The following TMOD3 variants were observed in gnomAD, a reference collection of about 807,000 sequenced individuals.
TMOD3 encodes the protein tropomodulin 3.
TMOD3 carries 20 observed loss-of-function variants against 39.2 expected under a neutral mutation model. That is an observed-to-expected ratio of 0.51 (90% CI 0.36 to 0.74). The LOEUF is 0.74. TMOD3 is among the 30% of genes least tolerant of loss of function. The pLI is 0.00. For missense variants in TMOD3, 381 were observed against 412.8 expected, an observed-to-expected ratio of 0.92 and a Z score of 0.67; for synonymous variants, 143 against 145.8, an observed-to-expected ratio of 0.98 and a Z score of 0.14.
chr15:51,897,967 A>G lies in TMOD3; in HGVS notation c.735+1441A>G, dbSNP rs140103630. ...ACCTGGATTATTGCAACAGCCTCCT[A>G]ATTGGGTTACCTTCATCTATTTTAC... On this transcript the variant is annotated intron_variant, in intron 7 of 9. Transcript: ENST00000308580. Among the ~76,000 whole-genome samples the G allele has an allele frequency of 2.1e-3, 323 of 152,090 alleles. 1 individual carries two copies. Among genetic ancestry groups the G allele is most frequent in the East Asian group, 0.021 (109 of 5,174 alleles).
intron 2 of TMOD3, among the ~76,000 whole-genome samples, chr15:51,868,995 G>A (rs1054375657): frequency 2.6e-5 from 4 of 152,096 alleles, no homozygotes; most frequent in Admixed American, 1.3e-4. Flanking sequence ...CTGTACTAAT[G>A]TATGTGCCTA....
At chr15:51,890,528 C>T (rs1352779288) in intron 5 of TMOD3, among the ~76,000 whole-genome samples, 1 of 151,876 alleles carries the variant, frequency 6.6e-6, no homozygotes, top group African/African-American at 2.4e-5. Flanking sequence ...AGCTCTTGGA[C>T]GTGAAGTACT....
chr15:51,830,925 C>T (rs1233999352), intron 1 of TMOD3, among the ~76,000 whole-genome samples: 1 of 152,136 alleles, frequency 6.6e-6, no homozygotes, highest in Non-Finnish European at 1.5e-5. Context: ...CACATTCCTA[C>T]GAAAGGAACA....
intron 6 of TMOD3, among the ~76,000 whole-genome samples, chr15:51,894,554 C>T (rs2056611525): frequency 1.3e-5 from 2 of 152,184 alleles, no homozygotes; most frequent in African/African-American, 4.8e-5. Flanking sequence ...CAAAAGTTCT[C>T]TCATACCCCT....
Position 51,911,170 on chromosome 15 carries a change from T to G in TMOD3, c.*2360T>G, listed in dbSNP as rs545686611. ...ATTGTCCTGTAAGTCAATTAGTTGATAAATAGTTCCCCCTTCATCCCTTAA... is the reference window on the plus strand; with the variant it reads ...ATTGTCCTGTAAGTCAATTAGTTGAGAAATAGTTCCCCCTTCATCCCTTAA... On this transcript the variant is annotated 3_prime_UTR_variant, in exon 10 of 10. Transcript: ENST00000308580. 2 of 152,372 alleles carry G rather than the reference T, an allele frequency of 1.3e-5. No homozygotes were observed. The highest frequency in any genetic ancestry group is 4.8e-5 in the African/African-American group (2 of 41,590). The allele number at this position is 152,372 out of a possible 1,614,324, so 9.4% of individuals were successfully genotyped here.
intron 1 of TMOD3, chr15:51,861,261 T>G (rs1381585729): frequency 1.3e-5 from 5 of 396,932 alleles, no homozygotes; most frequent in Middle Eastern, 3.9e-4. Flanking sequence ...AGGGAGCTGA[T>G]CTTCTTTGTG....
At chr15:51,890,769 T>G (rs2056589041) in intron 5 of TMOD3, among the ~76,000 whole-genome samples, 1 of 152,232 alleles carries the variant, frequency 6.6e-6, no homozygotes, top group Non-Finnish European at 1.5e-5. Flanking sequence ...CTTTCTACGA[T>G]GTTTTGTAAT....
chr15:51,830,225 A>G (rs1451220360), intron 1 of TMOD3, among the ~76,000 whole-genome samples: 1 of 152,036 alleles, frequency 6.6e-6, no homozygotes, highest in South Asian at 2.1e-4. Flanking sequence ...GCCTCCTTCA[A>G]AGGCTTCGGC....
intron 7 of TMOD3, among the ~76,000 whole-genome samples, chr15:51,898,639 G>T (rs949190182): frequency 9.2e-5 from 14 of 152,136 alleles, no homozygotes; most frequent in African/African-American, 3.4e-4. Context: ...TAATAGAAAG[G>T]ACAAGTATGT....
At chr15:51,875,324 T>G (rs1443030007) in intron 3 of TMOD3, 1 of 152,254 alleles carries the variant, frequency 6.6e-6, no homozygotes, top group African/African-American at 2.4e-5. Flanking sequence ...TAAATGTCCC[T>G]TGTAGACCTC....
chr15:51,839,013 A>G (rs1233901567), intron 1 of TMOD3, among the ~76,000 whole-genome samples: 2 of 152,194 alleles, frequency 1.3e-5, no homozygotes, highest in African/African-American at 4.8e-5. Context: ...AGGGACTGGA[A>G]TAAGGGGTGG....
At position 51,909,089 on chromosome 15, in the gene TMOD3, C is replaced by G. The variant is rs893293137; in HGVS notation, c.*279C>G. On this transcript the variant is annotated 3_prime_UTR_variant, in exon 10 of 10. Transcript: ENST00000308580. Reference sequence around the variant, plus strand: ...AAAAATACAACTGTAAAAAATTTCACAGGTCATTTGTGTAGAATAATTTGA... The same window carrying G: ...AAAAATACAACTGTAAAAAATTTCAGAGGTCATTTGTGTAGAATAATTTGA... The G allele has an allele frequency of 2.0e-5, 6 of 295,812 alleles. No individual in the cohort carries two copies. Among genetic ancestry groups the G allele is most frequent in the Non-Finnish European group, 3.1e-5 (5 of 161,612 alleles). The allele number at this position is 295,812 out of a possible 1,614,324, so 18.3% of individuals were successfully genotyped here.
chr15:51,863,014 G>A lies in TMOD3; in HGVS notation c.126+4G>A, dbSNP rs937547263. On this transcript the variant is annotated splice_donor_region_variant and intron_variant, in intron 2 of 9. Transcript: ENST00000308580. ...TTTGGATGATCTTGACCCCGAGGTA[G>A]GTGCTAGGTGATGAAGAGAAATGAA... 6.2e-7 allele frequency: 1 copy of A among 1,605,874 alleles called. No homozygotes were observed. Among genetic ancestry groups the A allele is most frequent in the African/African-American group, 1.3e-5 (1 of 74,274 alleles).
intron 1 of TMOD3, among the ~76,000 whole-genome samples, chr15:51,851,804 C>T (rs755460978): frequency 6.6e-6 from 1 of 152,130 alleles, no homozygotes; most frequent in African/African-American, 2.4e-5. Context: ...AAACATATCA[C>T]GTTTATCTAC....
chr15:51,904,332 C>T (rs1308246469), intron 9 of TMOD3, among the ~76,000 whole-genome samples: 3 of 152,220 alleles, frequency 2.0e-5, no homozygotes, highest in Non-Finnish European at 4.4e-5. Flanking sequence ...ATGTTGTTGG[C>T]AGGGGCCATG....
rs572273583 is a variant in TMOD3 at position 51,893,756 on chromosome 15, C to T, written c.497-59C>T. The T allele has an allele frequency of 2.2e-6, 3 of 1,383,350 alleles. No individual in the cohort carries two copies. The East Asian group carries it at 8.1e-5, about 38-fold the overall frequency. The allele number at this position is 1,383,350 out of a possible 1,614,324, so 85.7% of individuals were successfully genotyped here. ...CTCCGGCCTGGGCGAAAGTGCGAGA[C>T]TCCGTCTCAAAAAAAAAAAAATGGT... On this transcript the variant is annotated intron_variant, in intron 5 of 9. Coordinates refer to ENST00000308580, the MANE Select transcript of TMOD3 (RefSeq NM_014547.5).
rs552565909 is a variant in TMOD3 at position 51,829,845 on chromosome 15, A to G, written c.-75+9A>G. ...CTGCGGGCGCCAGTCAGGTAAGCCC[A>G]GCCCGGTGCTTTCCAGGAAGTCCGT... On this transcript the variant is annotated intron_variant, in intron 1 of 9. Transcript: ENST00000308580. 1 of 152,406 alleles carries G rather than the reference A, an allele frequency of 6.6e-6. No homozygotes were observed. Among genetic ancestry groups the G allele is most frequent in the South Asian group, 2.1e-4 (1 of 4,832 alleles). 9.4% of individuals were successfully genotyped at this position (152,406 alleles called of 1,614,324 possible). A position where few individuals can be genotyped will look rare whatever the true frequency, so the allele number is the denominator to read the frequency against.
At chr15:51,845,837 G>C (rs1418276219) in intron 1 of TMOD3, among the ~76,000 whole-genome samples, 3 of 151,636 alleles carry the variant, frequency 2.0e-5, no homozygotes, top group Non-Finnish European at 4.4e-5. Flanking sequence ...TAATTACATA[G>C]GTTTGTCACA....
Position 51,839,173 on chromosome 15 carries a change from T to A in TMOD3, c.-75+9337T>A, listed in dbSNP as rs1245461802. Among the ~76,000 whole-genome samples the A allele has an allele frequency of 1.4e-5, 2 of 147,084 alleles. 1 individual carries two copies. The highest frequency in any genetic ancestry group is 3.0e-5 in the Non-Finnish European group (2 of 66,368). On this transcript the variant is annotated intron_variant, in intron 1 of 9. Transcript: ENST00000308580. The stretch of plus-strand genomic sequence containing the variant: ...GAAATAGGTGTATCTCTCTTTTTTT[T>A]TTTTTCCATTTTGTTTGAGACTGGG...
Sources: gnomAD v4.1 joint callset for allele counts (sites outside exome capture counted in the v4.1 genomes callset) on GRCh38, gnomAD v4.1.1 for gene constraint, MANE v1.5 for transcripts, NCBI Gene and HGNC (gene_info 2026-07-23, HGNC 2026-07-21) for gene names.